Variants in PLEKHG4B observed in about 807,000 individuals in gnomAD.
PLEKHG4B encodes pleckstrin homology and RhoGEF domain containing G4B.
In PLEKHG4B, 111 loss-of-function variants were observed where a neutral mutation model predicts 121.3. The observed-to-expected ratio is 0.92, with a 90% confidence interval of 0.78 to 1.07. The LOEUF is 1.07. PLEKHG4B is among the 50% of genes least tolerant of loss of function. The probability of loss-of-function intolerance (pLI) is 0.00; values close to 1 mark genes in which losing one functional copy is unlikely to be tolerated. For synonymous variants in PLEKHG4B, 738 were observed against 725.0 expected (o/e 1.02, Z -0.29); for missense variants, 1,831 against 1,757.8 (o/e 1.04, Z -0.74).
In PLEKHG4B at chr5:130,677, C is replaced by T. The variant is rs114144061; in HGVS notation, c.244-8806C>T. Among the ~76,000 whole-genome samples the T allele has an allele frequency of 7.2e-3, 1,094 of 152,316 alleles. 12 individuals are homozygous for T. The highest frequency in any genetic ancestry group is 0.025 in the African/African-American group (1,033 of 41,570). On this transcript the variant is annotated intron_variant, in intron 2 of 19. Transcript: ENST00000637938. ...CTTAAACAGTGAAGTCGAGTGCCCT[C>T]ATTTTAAATAAGAAAACTCTGGTTC...
intron 19 of PLEKHG4B, 69 bp from the exon 20 acceptor site, chr5:181,935 C>T (rs1157263330): frequency 3.3e-6 from 5 of 1,525,318 alleles, no homozygotes; most frequent in Non-Finnish European, 4.5e-6. Flanking sequence ...CGGCTCTGAT[C>T]CCATTCCCGA....
At chr5:162,408 C>T (rs187245204) in intron 12 of PLEKHG4B, among the ~76,000 whole-genome samples, 29 of 152,342 alleles carry the variant, frequency 1.9e-4, no homozygotes, top group African/African-American at 6.7e-4. Flanking sequence ...CAGGGTAGAG[C>T]CGTCTGCCCC....
intron 7 of PLEKHG4B, 133 bp downstream of exon 7, chr5:151,732 C>T: frequency 1.8e-6 from 1 of 566,732 alleles, no homozygotes; most frequent in Admixed American, 3.9e-5. Flanking sequence ...AACCTACTTC[C>T]TACCCCGTAA....
chr5:120,065 G>A (rs2126366904), intron 2 of PLEKHG4B, among the ~76,000 whole-genome samples: 1 of 152,270 alleles, frequency 6.6e-6, no homozygotes. Flanking sequence ...TGGGCAACAT[G>A]TGAGAGCACA....
chr5:183,432 T>C lies in PLEKHG4B; in HGVS notation c.*1109T>C, dbSNP rs1049225356. 4 of 152,090 alleles carry C rather than the reference T, an allele frequency of 2.6e-5. No individual in the cohort carries two copies. Among genetic ancestry groups the C allele is most frequent in the Admixed American group, 1.3e-4 (2 of 15,272 alleles). 9.4% of individuals were successfully genotyped at this position (152,090 alleles called of 1,614,324 possible). A position where few individuals can be genotyped will look rare whatever the true frequency, so the allele number is the denominator to read the frequency against. On this transcript the variant is annotated 3_prime_UTR_variant, in exon 20 of 20. Transcript: ENST00000637938. Reference sequence around the variant, plus strand: ...TGTGCTAGAATCACAGAATTCAAACTGTGGCTGAAATCGCAGCCCAGGCGT... The same window carrying C: ...TGTGCTAGAATCACAGAATTCAAACCGTGGCTGAAATCGCAGCCCAGGCGT...
intron 1 of PLEKHG4B, among the ~76,000 whole-genome samples, chr5:100,404 G>A (rs547578016): frequency 0.012 from 1,748 of 148,440 alleles, 58 homozygotes; most frequent in African/African-American, 0.039. Flanking sequence ...AAAGCCTGTA[G>A]GGGAGAGACT....
At chr5:158,240 C>A (rs556129690) in intron 11 of PLEKHG4B, among the ~76,000 whole-genome samples, 1 of 148,994 alleles carries the variant, frequency 6.7e-6, no homozygotes, top group South Asian at 2.2e-4. Flanking sequence ...TTCCCCTCCT[C>A]CCCCTGCCCA....
intron 6 of PLEKHG4B, among the ~76,000 whole-genome samples, chr5:146,717 G>A (rs887845072): frequency 9.3e-5 from 10 of 107,036 alleles, no homozygotes; most frequent in Non-Finnish European, 1.5e-4. Context: ...CTGACCCTGC[G>A]GCCCTCCCTT....
chr5:163,813 C>A (rs868834324), intron 13 of PLEKHG4B, among the ~76,000 whole-genome samples: 1 of 152,302 alleles, frequency 6.6e-6, no homozygotes, highest in African/African-American at 2.4e-5. Context: ...AGTAACTGTG[C>A]GACCAACTCT....
chr5:97,754 T>G (rs1344164437), intron 1 of PLEKHG4B, among the ~76,000 whole-genome samples: 1 of 152,190 alleles, frequency 6.6e-6, no homozygotes, highest in Non-Finnish European at 1.5e-5. Flanking sequence ...AACATGTGTT[T>G]ACAAGTTTTG....
chr5:106,418 T>C (rs1048810393), intron 1 of PLEKHG4B, among the ~76,000 whole-genome samples: 3 of 152,186 alleles, frequency 2.0e-5, no homozygotes, highest in African/African-American at 4.8e-5. Flanking sequence ...GATTTCATGA[T>C]AGAAATTACC....
intron 1 of PLEKHG4B, among the ~76,000 whole-genome samples, chr5:92,688 C>T (rs1238731149): frequency 7.3e-5 from 11 of 151,662 alleles, no homozygotes; most frequent in Admixed American, 7.2e-4. Flanking sequence ...AGAAATAACG[C>T]TTTCTGGACA....
At position 92,222 on chromosome 5, in the gene PLEKHG4B, A is replaced by T; in HGVS notation, c.-10A>T. ...GGAAAGCGTCGGAGTTCGGGAGACC[A>T]GGGTCCAGCATGGGTTTCAGCACAG... On this transcript the variant is annotated 5_prime_UTR_variant, in exon 1 of 20. Coordinates refer to ENST00000637938, the MANE Select transcript of PLEKHG4B (RefSeq NM_052909.5). 1 of 343,324 alleles carries T rather than the reference A, an allele frequency of 2.9e-6. No homozygotes were observed. 21.3% of individuals were successfully genotyped at this position (343,324 alleles called of 1,614,324 possible).
intron 2 of PLEKHG4B, among the ~76,000 whole-genome samples, chr5:131,499 A>G (rs1031510035): frequency 6.6e-6 from 1 of 152,110 alleles, no homozygotes; most frequent in African/African-American, 2.4e-5. Context: ...ACATTTTCTT[A>G]ATCAAGTCTG....
intron 2 of PLEKHG4B, among the ~76,000 whole-genome samples, chr5:127,370 A>ATTG (rs1247118300): frequency 6.8e-6 from 1 of 147,218 alleles, no homozygotes. Flanking sequence ...TATTATTATT[A>ATTG]TTATTATTAT....
chr5:106,400 A>G (rs1733975468), intron 1 of PLEKHG4B, among the ~76,000 whole-genome samples: 1 of 152,180 alleles, frequency 6.6e-6, no homozygotes, highest in Non-Finnish European at 1.5e-5. Flanking sequence ...TTAAAATTTT[A>G]CTGTTTAGAT....
At chr5:94,863 G>T (rs950046187) in intron 1 of PLEKHG4B, among the ~76,000 whole-genome samples, 1 of 152,088 alleles carries the variant, frequency 6.6e-6, no homozygotes, top group Non-Finnish European at 1.5e-5. Flanking sequence ...GCTTCAGTCT[G>T]TTCATTGTTT....
At position 98,425 on chromosome 5, in the gene PLEKHG4B, C is replaced by CTTTTTTTT. The variant is rs55733931; in HGVS notation, c.45+6170_45+6177dup. On this transcript the variant is annotated intron_variant, in intron 1 of 19. Transcript: ENST00000637938. ...GTCAGTACCACATTGTTTACTGTAG[C>CTTTTTTTT]TTTTTTTTTTTTTTTTTTTTTTTTT... 5.1e-4 allele frequency among the ~76,000 whole-genome samples: 24 copies of CTTTTTTTT among 46,828 alleles called. 5 individuals carry two copies. Among genetic ancestry groups the CTTTTTTTT allele is most frequent in the Admixed American group, 1.8e-3 (5 of 2,820 alleles). The allele number at this position is 46,828 out of a possible 152,430, so 30.7% of individuals were successfully genotyped here. A position where few individuals can be genotyped will look rare whatever the true frequency, so the allele number is the denominator to read the frequency against.
chr5:118,472 C>T (rs558963297), intron 2 of PLEKHG4B, among the ~76,000 whole-genome samples: 1 of 152,284 alleles, frequency 6.6e-6, no homozygotes, highest in Admixed American at 6.5e-5. Flanking sequence ...AAATTCTTGT[C>T]CATTTAGAAA....
Sources: gnomAD v4.1 joint callset for allele counts (sites outside exome capture counted in the v4.1 genomes callset) on GRCh38, gnomAD v4.1.1 for gene constraint, MANE v1.5 for transcripts, NCBI Gene and HGNC (gene_info 2026-07-23, HGNC 2026-07-21) for gene names.